LUZP2: variants seen among roughly 807,000 people sequenced by gnomAD.
LUZP2 encodes the protein leucine zipper protein 2.
In LUZP2, 52 loss-of-function variants were observed where a neutral mutation model predicts 51.6. The ratio of observed to expected loss-of-function variants is 1.01; its 90% CI spans 0.81 to 1.27. The LOEUF is 1.27. Ranked by LOEUF, LUZP2 falls within the 50% of genes most tolerant of loss-of-function variation. The pLI, the probability that LUZP2 is intolerant of heterozygous loss-of-function variation, is 0.00. For missense variants in LUZP2, 436 were observed against 395.4 expected (o/e 1.10, Z -0.87); for synonymous variants, 154 against 137.3 (o/e 1.12, Z -0.85).
chr11:24,954,762 A>G (rs1238340269), intron 7 of LUZP2, among the ~76,000 whole-genome samples: 1 of 152,046 alleles, frequency 6.6e-6, no homozygotes, highest in Non-Finnish European at 1.5e-5. Context: ...CAATCATTTT[A>G]TATTTTGAAT....
intron 7 of LUZP2, among the ~76,000 whole-genome samples, chr11:24,964,506 T>C (rs1276562816): frequency 2.6e-5 from 4 of 152,104 alleles, no homozygotes; most frequent in African/African-American, 7.2e-5. Flanking sequence ...CAGGACCACA[T>C]CTCATCCAGG....
intron 4 of LUZP2, among the ~76,000 whole-genome samples, chr11:24,762,156 A>G (rs1475582982): frequency 2.0e-5 from 3 of 152,134 alleles, no homozygotes; most frequent in Admixed American, 2.0e-4. Flanking sequence ...AAAGTTGTGT[A>G]TATGGTAAAA....
At chr11:24,992,133 G>A (rs1287255835) in intron 9 of LUZP2, among the ~76,000 whole-genome samples, 1 of 151,926 alleles carries the variant, frequency 6.6e-6, no homozygotes, top group Non-Finnish European at 1.5e-5. Flanking sequence ...TTGAGACTCT[G>A]CCCTAAATTC....
At chr11:24,612,291 A>G (rs879583727) in intron 1 of LUZP2, among the ~76,000 whole-genome samples, 2 of 152,136 alleles carry the variant, frequency 1.3e-5, no homozygotes, top group Non-Finnish European at 2.9e-5. Flanking sequence ...AACAGGTTTG[A>G]TGGAAGTTAA....
Position 24,638,566 on chromosome 11 carries a change from A to G in LUZP2, c.63-90603A>G, listed in dbSNP as rs1425452912. On this transcript the variant is annotated intron_variant, in intron 1 of 11. Coordinates refer to ENST00000336930, the MANE Select transcript of LUZP2 (RefSeq NM_001009909.4). ...ACAGTATTTACTACATGGCTAAAGCAGGGCTTAGTTGATAATTTATGGCCT... is the reference window on the plus strand; with the variant it reads ...ACAGTATTTACTACATGGCTAAAGCGGGGCTTAGTTGATAATTTATGGCCT... Among the ~76,000 whole-genome samples the G allele has an allele frequency of 2.0e-5, 3 of 151,744 alleles. No homozygotes were observed. In the East Asian group the frequency reaches 5.8e-4, roughly 29 times the overall value.
chr11:24,590,986 C>A (rs1853238683), intron 1 of LUZP2, among the ~76,000 whole-genome samples: 1 of 152,106 alleles, frequency 6.6e-6, no homozygotes, highest in Non-Finnish European at 1.5e-5. Flanking sequence ...TGGCTCACAC[C>A]TGTACTCCCA....
At chr11:24,583,879 A>AT (rs35895335) in intron 1 of LUZP2, among the ~76,000 whole-genome samples, 1,737 of 141,332 alleles carry the variant, frequency 0.012, 37 homozygotes, top group East Asian at 0.086. Flanking sequence ...AATTTTTTGT[A>AT]TTTTTTTTTT....
At chr11:24,673,332 T>A (rs1195407745) in intron 1 of LUZP2, among the ~76,000 whole-genome samples, 1 of 152,172 alleles carries the variant, frequency 6.6e-6, no homozygotes, top group East Asian at 1.9e-4. Flanking sequence ...CGACTATATA[T>A]CCTATATATC....
chr11:24,911,949 C>T (rs1853648803), intron 6 of LUZP2, among the ~76,000 whole-genome samples: 1 of 152,058 alleles, frequency 6.6e-6, no homozygotes, highest in Non-Finnish European at 1.5e-5. Flanking sequence ...CCTTCAGTAT[C>T]CATATCAAAA....
At chr11:24,777,722 T>C (rs1848977253) in intron 5 of LUZP2, among the ~76,000 whole-genome samples, 1 of 152,178 alleles carries the variant, frequency 6.6e-6, no homozygotes. Context: ...CATTTTATTT[T>C]CTTTACAGCA....
chr11:24,547,856 A>C (rs1280538708), intron 1 of LUZP2, among the ~76,000 whole-genome samples: 1 of 151,966 alleles, frequency 6.6e-6, no homozygotes, highest in African/African-American at 2.4e-5. Flanking sequence ...AGTAACTTAA[A>C]TCAATAAGCC....
chr11:24,563,155 C>T (rs149455508), intron 1 of LUZP2, among the ~76,000 whole-genome samples: 2 of 152,152 alleles, frequency 1.3e-5, no homozygotes, highest in Admixed American at 1.3e-4. Context: ...TCGGAAGCTA[C>T]GAACAAGAAT....
chr11:24,838,612 G>C (rs968910548), intron 5 of LUZP2, among the ~76,000 whole-genome samples: 3 of 151,530 alleles, frequency 2.0e-5, no homozygotes, highest in Non-Finnish European at 4.4e-5. Context: ...GTTCACTTTT[G>C]TGTCTAATAA....
At chr11:24,851,551 G>C (rs898100105) in intron 5 of LUZP2, among the ~76,000 whole-genome samples, 3 of 152,056 alleles carry the variant, frequency 2.0e-5, no homozygotes, top group Non-Finnish European at 2.9e-5. Flanking sequence ...CAAGGATATT[G>C]GCCTGAAATT....
intron 9 of LUZP2, among the ~76,000 whole-genome samples, chr11:25,035,360 C>A (rs118065810): frequency 1.3e-5 from 2 of 151,880 alleles, no homozygotes; most frequent in African/African-American, 4.8e-5. Context: ...AATCAATGTA[C>A]GAAAATCAGT....
chr11:24,756,018 C>T (rs1466592249), intron 4 of LUZP2, among the ~76,000 whole-genome samples: 2 of 152,126 alleles, frequency 1.3e-5, no homozygotes, highest in Non-Finnish European at 2.9e-5. Flanking sequence ...GTAGAGTCAG[C>T]TTCTGTGGCG....
chr11:25,039,580 A>C (rs1447552976), intron 9 of LUZP2, among the ~76,000 whole-genome samples: 2 of 152,122 alleles, frequency 1.3e-5, no homozygotes, highest in African/African-American at 4.8e-5. Context: ...AAAGGTACCC[A>C]AATCCATGTG....
chr11:24,826,121 A>G (rs1268791694), intron 5 of LUZP2, among the ~76,000 whole-genome samples: 31 of 143,604 alleles, frequency 2.2e-4, no homozygotes, highest in African/African-American at 7.4e-4. Flanking sequence ...GCTTGCAGTG[A>G]GCCGAGATCG....
At chr11:25,021,513 T>C (rs1391341262) in intron 9 of LUZP2, among the ~76,000 whole-genome samples, 2 of 151,500 alleles carry the variant, frequency 1.3e-5, no homozygotes, top group African/African-American at 4.8e-5. Flanking sequence ...CAGGGAAACA[T>C]AGACAAAGAC....
Sources: allele counts gnomAD v4.1 joint callset (sites outside exome capture counted in the v4.1 genomes callset), GRCh38; gene constraint gnomAD v4.1.1; transcripts MANE v1.5; gene names NCBI Gene and HGNC (gene_info 2026-07-23, HGNC 2026-07-21).